Variants in AIRE observed in about 807,000 individuals in gnomAD.
AIRE encodes autoimmune polyendocrinopathy candidiasis ectodermal dystrophy protein.
A neutral mutation model predicts 62.1 loss-of-function variants in AIRE; 52 were observed. The ratio of observed to expected loss-of-function variants is 0.84; its 90% CI spans 0.67 to 1.06. The LOEUF is 1.06. Among genes scored for constraint, AIRE ranks in the 50% least tolerant of loss-of-function variants. AIRE has a pLI of 0.00. For missense variants in AIRE, 774 were observed against 755.8 expected, an observed-to-expected ratio of 1.02 and a Z score of -0.28; for synonymous variants, 342 against 321.6, an observed-to-expected ratio of 1.06 and a Z score of -0.68.
chr21:44,291,053 C>T (rs922714199), intron 7 of AIRE, 42 bp from the exon 8 acceptor site: 56 of 1,613,402 alleles, frequency 3.5e-5, no homozygotes, highest in South Asian at 4.4e-5. Context: ...GAGGGTGCTG[C>T]ACCCCAGCCC....
chr21:44,292,852 A>ATGCCAGCCCTCCGCCCCCACCC, intron 9 of AIRE, 141 bp from the exon 10 acceptor site: 1 of 706,416 alleles, frequency 1.4e-6, no homozygotes, highest in Non-Finnish European at 2.5e-6. Flanking sequence ...GCCTTCCACC[A>ATGCCAGCCCTCCGCCCCCACCC]TGCCAGCCCT....
In AIRE at chr21:44,297,773, A is replaced by C; in HGVS notation, c.*46A>C. Reference sequence around the variant, plus strand: ...CAGCTCTGATGAGAGAGTGCTGAGAAGGACACCTCCTTCCTCAGTCCTGGA... The same window carrying C: ...CAGCTCTGATGAGAGAGTGCTGAGACGGACACCTCCTTCCTCAGTCCTGGA... On this transcript the variant is annotated 3_prime_UTR_variant, in exon 14 of 14. Coordinates refer to ENST00000291582, the MANE Select transcript of AIRE (RefSeq NM_000383.4). The surrounding 1 kb of genome is among the most constrained non-coding windows in gnomAD (Gnocchi z 4.8). 6.4e-7 allele frequency: 1 copy of C among 1,558,230 alleles called. No individual in the cohort carries two copies. Among genetic ancestry groups the C allele is most frequent in the Non-Finnish European group, 8.8e-7 (1 of 1,131,968 alleles).
In AIRE at chr21:44,286,236, A is replaced by G; in HGVS notation, c.132+98A>G. 4.7e-6 allele frequency: 6 copies of G among 1,290,094 alleles called. No homozygotes were observed. In the Admixed American group the frequency reaches 1.2e-4, roughly 27 times the overall value. The allele number at this position is 1,290,094 out of a possible 1,614,324, so 79.9% of individuals were successfully genotyped here. ...AGGACCCCGCCCCTCCAGATCCCCA[A>G]GCCCCTCCAGCCTTCCCCAACTCCC... On this transcript the variant is annotated intron_variant, in intron 1 of 13. Coordinates refer to ENST00000291582, the MANE Select transcript of AIRE (RefSeq NM_000383.4). The surrounding 1 kb of genome is among the most constrained non-coding windows in gnomAD (Gnocchi z 6.0).
rs573648397 is a variant in AIRE at position 44,297,334 on chromosome 21, G to C, written c.1567-322G>C. ...CCCCCCCACCCTGAAGGAGCCACCC[G>C]AGGAGGCAGAACTGCCATGAACTGC... is the stretch of plus-strand genomic sequence containing the variant. On this transcript the variant is annotated intron_variant, in intron 13 of 13. Transcript: ENST00000291582. The surrounding 1 kb of genome is among the most constrained non-coding windows in gnomAD (Gnocchi z 4.8). 4.6e-5 allele frequency among the ~76,000 whole-genome samples: 6 copies of C among 131,660 alleles called. No homozygotes were observed. Among genetic ancestry groups the C allele is most frequent in the African/African-American group, 1.8e-4 (6 of 33,976 alleles). 86.4% of individuals were successfully genotyped at this position (131,660 alleles called of 152,430 possible).
Position 44,298,244 on chromosome 21 carries a change from C to T in AIRE, c.*517C>T. Reference sequence around the variant, plus strand: ...ACCATTGCCACCACCATCTGCAGAGCTGTTCCAGCTTCCTGAATGGAAACT... The same window carrying T: ...ACCATTGCCACCACCATCTGCAGAGTTGTTCCAGCTTCCTGAATGGAAACT... On this transcript the variant is annotated 3_prime_UTR_variant, in exon 14 of 14. Coordinates refer to ENST00000291582, the MANE Select transcript of AIRE (RefSeq NM_000383.4). 5.3e-6 allele frequency: 1 copy of T among 188,732 alleles called. No homozygotes were observed. The highest frequency in any genetic ancestry group is 1.1e-5 in the Non-Finnish European group (1 of 88,776). The allele number at this position is 188,732 out of a possible 1,614,324, so 11.7% of individuals were successfully genotyped here. A position where few individuals can be genotyped will look rare whatever the true frequency, so the allele number is the denominator to read the frequency against.
At chr21:44,291,888 GC>G (rs1004068396) in intron 8 of AIRE, among the ~76,000 whole-genome samples, 2 of 152,164 alleles carry the variant, frequency 1.3e-5, no homozygotes, top group Non-Finnish European at 2.9e-5. Context: ...GGGGGTCATT[GC>G]TCGGCTCCTG....
At position 44,295,574 on chromosome 21, in the gene AIRE, G is replaced by A. The variant is rs1167975527; in HGVS notation, c.1504-809G>A. 3.9e-5 allele frequency among the ~76,000 whole-genome samples: 6 copies of A among 152,296 alleles called. No individual in the cohort carries two copies. The South Asian group carries it at 6.2e-4, about 16-fold the overall frequency. The stretch of plus-strand genomic sequence containing the variant: ...CAACTGCTCCCGCAGCGGGTACCTC[G>A]TCATTAACCTCCTGGGTTCTGTCTC... On this transcript the variant is annotated intron_variant, in intron 12 of 13. Transcript: ENST00000291582.
chr21:44,297,601 C>A lies in AIRE; in HGVS notation c.1567-55C>A. On this transcript the variant is annotated intron_variant, in intron 13 of 13. Coordinates refer to ENST00000291582, the MANE Select transcript of AIRE (RefSeq NM_000383.4). The surrounding 1 kb of genome is among the most constrained non-coding windows in gnomAD (Gnocchi z 4.8). The stretch of plus-strand genomic sequence containing the variant: ...ACTTCTTGTAACGATGGCCATGATT[C>A]TGTGGCTGCGGCGGGGGCGCACCTG... 1 of 1,465,532 alleles carries A rather than the reference C, an allele frequency of 6.8e-7. No homozygotes were observed. Among genetic ancestry groups the A allele is most frequent in the Non-Finnish European group, 9.5e-7 (1 of 1,048,634 alleles). The allele number at this position is 1,465,532 out of a possible 1,614,324, so 90.8% of individuals were successfully genotyped here.
Position 44,293,132 on chromosome 21 carries a change from C to T in AIRE, c.1235C>T (p.Ser412Leu), listed in dbSNP as rs368331265. Residue 412 changes from serine to leucine, a missense_variant, in exon 10 of 14, where the codon TCG (serine) becomes TTG (leucine). Coordinates refer to ENST00000291582, the MANE Select transcript of AIRE (RefSeq NM_000383.4). ...SAAPLPGLDS[S>L]ALHPLLCVGP... ...GCCCCGCTGCCAGGGCTGGACTCCT[C>T]GGCCCTGCACCCCCTACTGTGTGTG... is the stretch of plus-strand genomic sequence containing the variant. The T allele has an allele frequency of 6.7e-5, 106 of 1,589,818 alleles. No homozygotes were observed. Among genetic ancestry groups the T allele is most frequent in the South Asian group, 2.5e-4 (22 of 88,122 alleles).
At chr21:44,292,208 C>T (rs2040548207) in intron 8 of AIRE, 94 bp from the exon 9 acceptor site, 5 of 1,002,540 alleles carry the variant, frequency 5.0e-6, no homozygotes, top group East Asian at 2.6e-5. Flanking sequence ...TGTGAAAAGA[C>T]ATGGTCGGAG....
At chr21:44,289,869 T>A (rs2040518716) in intron 6 of AIRE, 67 bp downstream of exon 6, 11 of 1,609,374 alleles carry the variant, frequency 6.8e-6, no homozygotes, top group Non-Finnish European at 8.5e-6. Context: ...CAGCGTTGCC[T>A]CTGGGGGAGT....
chr21:44,288,535 C>A, intron 5 of AIRE, 77 bp downstream of exon 5: 1 of 1,081,662 alleles, frequency 9.2e-7, no homozygotes, highest in Non-Finnish European at 1.4e-6. Context: ...CGCCCCTTTG[C>A]ATCCTGGTGG....
At chr21:44,293,321 G>C (rs1356602972) in intron 10 of AIRE, 146 bp downstream of exon 10, 1 of 698,614 alleles carries the variant, frequency 1.4e-6, no homozygotes, top group Non-Finnish European at 2.3e-6. Flanking sequence ...GGGGAGCGTG[G>C]GGGGCTGCGG....
At chr21:44,289,848 C>G (rs781375466) in intron 6 of AIRE, 46 bp downstream of exon 6, 4 of 1,611,156 alleles carry the variant, frequency 2.5e-6, no homozygotes. Flanking sequence ...TGATGCCCCC[C>G]GCCCCAGGAA....
intron 12 of AIRE, among the ~76,000 whole-genome samples, chr21:44,295,444 C>T (rs1323635330): frequency 6.6e-6 from 1 of 152,200 alleles, no homozygotes; most frequent in East Asian, 1.9e-4. Context: ...CTGTCACTGT[C>T]CCCTTCCTTC....
intron 4 of AIRE, among the ~76,000 whole-genome samples, 159 bp from the exon 5 acceptor site, chr21:44,288,186 G>A (rs2040501682): frequency 6.6e-6 from 1 of 152,228 alleles, no homozygotes; most frequent in Non-Finnish European, 1.5e-5. Context: ...GCACTTACCT[G>A]TGGGCTGTCT....
Position 44,297,618 on chromosome 21 carries a change from G to A in AIRE, c.1567-38G>A. The A allele has an allele frequency of 6.5e-7, 1 of 1,548,120 alleles. No individual in the cohort carries two copies. Among genetic ancestry groups the A allele is most frequent in the Non-Finnish European group, 8.9e-7 (1 of 1,123,768 alleles). On this transcript the variant is annotated intron_variant, in intron 13 of 13. Coordinates refer to ENST00000291582, the MANE Select transcript of AIRE (RefSeq NM_000383.4). This position sits in a 1 kb window ranked among gnomAD's most constrained non-coding sequence, Gnocchi z 4.8. ...CCATGATTCTGTGGCTGCGGCGGGG[G>A]CGCACCTGGAGGTTCTCACCGTCAC...
chr21:44,294,491 T>C lies in AIRE; in HGVS notation c.1491T>C (p.Pro497=), dbSNP rs528761924. 3 of 1,512,896 alleles carry C rather than the reference T, an allele frequency of 2.0e-6. No homozygotes were observed. The East Asian group carries it at 7.2e-5, about 37-fold the overall frequency. The allele number at this position is 1,512,896 out of a possible 1,614,324, so 93.7% of individuals were successfully genotyped here. ...CCCCCAGCCCCGCCCGCCTGGCCCCTGGGCCTGCCAAGGTCAGTGCCGCAG... is the reference window on the plus strand; with the variant it reads ...CCCCCAGCCCCGCCCGCCTGGCCCCCGGGCCTGCCAAGGTCAGTGCCGCAG... ...VLAPSPARLA[P]GPAKDDTASH... is the part of the protein sequence containing the mutation. Residue 497 remains proline (P), a synonymous_variant, in exon 12 of 14, where the codon CCT becomes CCC. Transcript: ENST00000291582.
intron 10 of AIRE, 82 bp downstream of exon 10, chr21:44,293,257 G>A: frequency 1.4e-6 from 2 of 1,387,136 alleles, no homozygotes; most frequent in African/African-American, 2.9e-5. Flanking sequence ...GAAACAGGAG[G>A]AGAGGGAGGC....
Sources: allele counts gnomAD v4.1 joint callset (sites outside exome capture counted in the v4.1 genomes callset), GRCh38; gene constraint gnomAD v4.1.1; non-coding constraint Gnocchi (gnomAD v3.1); transcripts MANE v1.5; gene names NCBI Gene and HGNC (gene_info 2026-07-23, HGNC 2026-07-21).